RAB43: variants seen among roughly 807,000 people sequenced by gnomAD.
RAB43 encodes the protein ras-related protein Rab-43.
Under a neutral mutation model 18.8 loss-of-function variants are expected in RAB43, and 6 were observed. That is an observed-to-expected ratio of 0.32 (90% CI 0.17 to 0.63). The LOEUF is 0.63. RAB43 is among the 30% of genes least tolerant of loss of function. The pLI is 0.79. For synonymous variants in RAB43, 103 were observed against 124.1 expected, an observed-to-expected ratio of 0.83 and a Z score of 1.13; for missense variants, 195 against 289.1, an observed-to-expected ratio of 0.67 and a Z score of 2.36.
At chr3:129,109,064 CAA>C (rs758480697) in intron 1 of RAB43, among the ~76,000 whole-genome samples, 9 of 116,906 alleles carry the variant, frequency 7.7e-5, no homozygotes, top group African/African-American at 6.2e-5. Context: ...GTGACTCCTA[CAA>C]AAAAAAAAAA....
chr3:129,097,481 T>C (rs1430457714), intron 1 of RAB43, among the ~76,000 whole-genome samples: 1 of 152,182 alleles, frequency 6.6e-6, no homozygotes, highest in Non-Finnish European at 1.5e-5. Flanking sequence ...CTCCCAGACA[T>C]ACAGTCCTCG....
At chr3:129,091,461 AC>A in intron 2 of RAB43, 115 bp from the exon 3 acceptor site, 2 of 1,312,510 alleles carry the variant, frequency 1.5e-6, no homozygotes. Context: ...ATAAATGGAC[AC>A]CCCTGGCATG....
chr3:129,121,214 G>A, intron 1 of RAB43, 72 bp downstream of exon 1: 2 of 1,354,186 alleles, frequency 1.5e-6, no homozygotes, highest in South Asian at 1.4e-5. Context: ...CGCTCGCCGC[G>A]GCCAGGGGCT....
At chr3:129,097,286 G>GCAGAC (rs1365856803) in intron 1 of RAB43, among the ~76,000 whole-genome samples, 1 of 152,174 alleles carries the variant, frequency 6.6e-6, no homozygotes, top group Non-Finnish European at 1.5e-5. Flanking sequence ...ATGGAGCAGA[G>GCAGAC]CAGACCACAC....
intron 1 of RAB43, among the ~76,000 whole-genome samples, chr3:129,105,189 A>G (rs1461718122): frequency 6.6e-6 from 1 of 152,206 alleles, no homozygotes; most frequent in East Asian, 1.9e-4. Context: ...CCGGCCAAAC[A>G]AAACAGGCTT....
At chr3:129,101,884 G>A (rs1017647810) in intron 1 of RAB43, among the ~76,000 whole-genome samples, 6 of 152,104 alleles carry the variant, frequency 3.9e-5, no homozygotes, top group Non-Finnish European at 7.4e-5. Context: ...TCTTATCAGC[G>A]CACCCTGCAC....
rs1029852119 is a variant in RAB43 at position 129,121,168 on chromosome 3, G to A, written c.204+118C>T. On this transcript the variant is annotated intron_variant, in intron 1 of 2. Coordinates refer to ENST00000315150, the MANE Select transcript of RAB43 (RefSeq NM_198490.3). ...TGCTCCGACCCGAGGAAGGAAAAAG[G>A]GGAAGCCAAAGGAAACTTCAGATGG... The A allele has an allele frequency of 8.3e-6, 8 of 967,988 alleles. No individual in the cohort carries two copies. The African/African-American group carries it at 1.3e-4, about 16-fold the overall frequency. 60.0% of individuals were successfully genotyped at this position (967,988 alleles called of 1,614,324 possible).
intron 1 of RAB43, among the ~76,000 whole-genome samples, chr3:129,115,458 C>G (rs534352149): frequency 6.6e-6 from 1 of 151,896 alleles, no homozygotes; most frequent in African/African-American, 2.4e-5. Context: ...GAGCAGAGGT[C>G]ATGCCATTGC....
chr3:129,101,490 G>A (rs1934410068), intron 1 of RAB43, among the ~76,000 whole-genome samples: 1 of 152,178 alleles, frequency 6.6e-6, no homozygotes, highest in Non-Finnish European at 1.5e-5. Flanking sequence ...TCATGAGCAC[G>A]CTACAGAATG....
At chr3:129,092,058 T>TAAA (rs1012657876) in intron 2 of RAB43, among the ~76,000 whole-genome samples, 8 of 59,520 alleles carry the variant, frequency 1.3e-4, no homozygotes, top group Non-Finnish European at 1.7e-4. Context: ...AACTCCGTCA[T>TAAA]AAAAAAAAAA....
At chr3:129,113,285 C>T (rs1421739983) in intron 1 of RAB43, among the ~76,000 whole-genome samples, 1 of 151,954 alleles carries the variant, frequency 6.6e-6, no homozygotes, top group Non-Finnish European at 1.5e-5. Flanking sequence ...CCTGCCTCAG[C>T]CTCCCGAGTA....
intron 1 of RAB43, among the ~76,000 whole-genome samples, chr3:129,100,120 G>T (rs1238752463): frequency 6.6e-6 from 1 of 151,996 alleles, no homozygotes; most frequent in East Asian, 1.9e-4. Flanking sequence ...ATGAAAAGCA[G>T]TCTGATAAAA....
rs1576817356 is a variant in RAB43 at position 129,094,914 on chromosome 3, G to A, written c.388+72C>T. On this transcript the variant is annotated intron_variant, in intron 2 of 2. Transcript: ENST00000315150. ...CCCTCTGAACTCAGGGTTACACTGTGTTTAAAAAGCAGAGGGAGGCATGGA... is the reference window on the plus strand; with the variant it reads ...CCCTCTGAACTCAGGGTTACACTGTATTTAAAAAGCAGAGGGAGGCATGGA... 4 of 1,552,098 alleles carry A rather than the reference G, an allele frequency of 2.6e-6. No individual in the cohort carries two copies. In the East Asian group the frequency reaches 6.7e-5, roughly 26 times the overall value.
intron 2 of RAB43, among the ~76,000 whole-genome samples, chr3:129,093,702 G>A (rs535439478): frequency 6.6e-6 from 1 of 152,314 alleles, no homozygotes; most frequent in South Asian, 2.1e-4. Flanking sequence ...TGAACAGGCT[G>A]TGGAAGGCAG....
intron 1 of RAB43, among the ~76,000 whole-genome samples, chr3:129,111,984 ACACCT>A (rs1322418898): frequency 6.6e-6 from 1 of 152,164 alleles, no homozygotes; most frequent in Non-Finnish European, 1.5e-5. Context: ...ACGGCAGCTC[ACACCT>A]GTAATCCTAG....
At position 129,109,181 on chromosome 3, in the gene RAB43, C is replaced by T. The variant is rs1330112686; in HGVS notation, c.204+12105G>A. ...ATCCCAACACTTTGGGAGGCCAAGG[C>T]GGGCGGATCACGAGGTCAGGAGATC... On this transcript the variant is annotated intron_variant, in intron 1 of 2. Coordinates refer to ENST00000315150, the MANE Select transcript of RAB43 (RefSeq NM_198490.3). Among the ~76,000 whole-genome samples the T allele has an allele frequency of 4.6e-5, 7 of 151,948 alleles. No homozygotes were observed. In the East Asian group the frequency reaches 1.2e-3, roughly 25 times the overall value.
At chr3:129,096,646 T>C (rs546885093) in intron 1 of RAB43, among the ~76,000 whole-genome samples, 4 of 152,188 alleles carry the variant, frequency 2.6e-5, no homozygotes, top group Admixed American at 6.5e-5. Context: ...GAAAGATTCA[T>C]GGAACAAGGA....
chr3:129,107,004 C>T lies in RAB43; in HGVS notation c.205-11835G>A, dbSNP rs1323715341. On this transcript the variant is annotated intron_variant, in intron 1 of 2. Coordinates refer to ENST00000315150, the MANE Select transcript of RAB43 (RefSeq NM_198490.3). The surrounding 1 kb of genome is among the most constrained non-coding windows in gnomAD (Gnocchi z 4.2). ...ACCCAGGAAGCACAGTAACCCACGA[C>T]GTTTTGCAGGCCTGGTGAAAGCAAG... Among the ~76,000 whole-genome samples the T allele has an allele frequency of 6.6e-6, 1 of 152,210 alleles. No homozygotes were observed. Among genetic ancestry groups the T allele is most frequent in the Admixed American group, 6.5e-5 (1 of 15,280 alleles).
intron 1 of RAB43, among the ~76,000 whole-genome samples, chr3:129,103,172 A>G (rs1934541086): frequency 6.6e-6 from 1 of 152,146 alleles, no homozygotes; most frequent in South Asian, 2.1e-4. Flanking sequence ...GCCTTGGGAG[A>G]GGCTGGGACC....
Sources: gnomAD v4.1 joint callset for allele counts (sites outside exome capture counted in the v4.1 genomes callset) on GRCh38, gnomAD v4.1.1 for gene constraint, Gnocchi (gnomAD v3.1) non-coding constraint, MANE v1.5 for transcripts, NCBI Gene and HGNC (gene_info 2026-07-23, HGNC 2026-07-21) for gene names.